The following KCNK2 variants were observed in gnomAD, a reference collection of about 807,000 sequenced individuals.
The protein encoded by KCNK2 is potassium two pore domain channel subfamily K member 2, also known as potassium channel subfamily K member 2.
A neutral mutation model predicts 40.5 loss-of-function variants in KCNK2; 21 were observed. That is an observed-to-expected ratio of 0.52 (90% CI 0.37 to 0.75). The LOEUF is 0.75. Among genes scored for constraint, KCNK2 ranks in the 30% least tolerant of loss-of-function variants. KCNK2 has a pLI of 0.00. For missense variants in KCNK2, 399 were observed against 531.6 expected (o/e 0.75, Z 2.45); for synonymous variants, 191 against 202.2 (o/e 0.94, Z 0.47).
chr1:215,222,156 C>G (rs1666205146), intron 6 of KCNK2, among the ~76,000 whole-genome samples: 1 of 152,160 alleles, frequency 6.6e-6, no homozygotes, highest in Non-Finnish European at 1.5e-5. Flanking sequence ...CCCCATGACC[C>G]AAACATCTCC....
chr1:215,149,191 A>C (rs1035790462), intron 3 of KCNK2, among the ~76,000 whole-genome samples: 2 of 152,124 alleles, frequency 1.3e-5, no homozygotes, highest in East Asian at 3.9e-4. Flanking sequence ...AACTGCTAGG[A>C]AGCAGGGAAG....
At chr1:215,219,508 C>T (rs1301348740) in intron 6 of KCNK2, among the ~76,000 whole-genome samples, 2 of 152,182 alleles carry the variant, frequency 1.3e-5, no homozygotes, top group Admixed American at 6.5e-5. Context: ...TGATACCCAA[C>T]ATAAGGCTAA....
At chr1:215,116,951 C>A (rs1342150632) in intron 2 of KCNK2, among the ~76,000 whole-genome samples, 1 of 151,688 alleles carries the variant, frequency 6.6e-6, no homozygotes, top group Non-Finnish European at 1.5e-5. Flanking sequence ...AAGTACTACT[C>A]CATTTCTTTT....
In KCNK2 at chr1:215,122,740, CTTTTTTT is replaced by C. The variant is rs564207038; in HGVS notation, c.358-1876_358-1870del. On this transcript the variant is annotated intron_variant, in intron 2 of 6. Transcript: ENST00000444842. ...ATCAAATGCTTAAAACATTCATAATCTTTTTTTTTTTTTTTTTTTTTTTGAAATGGAG... is the reference window on the plus strand; with the variant it reads ...ATCAAATGCTTAAAACATTCATAATCTTTTTTTTTTTTTTTTGAAATGGAG... Among the ~76,000 whole-genome samples, 98 of 120,362 alleles carry C rather than the reference CTTTTTTT, an allele frequency of 8.1e-4. 1 individual carries two copies. The highest frequency in any genetic ancestry group is 2.6e-3 in the African/African-American group (81 of 31,212). 79.0% of individuals were successfully genotyped at this position (120,362 alleles called of 152,430 possible). A position where few individuals can be genotyped will look rare whatever the true frequency, so the allele number is the denominator to read the frequency against.
intron 1 of KCNK2, among the ~76,000 whole-genome samples, chr1:215,007,033 A>ATGTGTGTGTGTG: frequency 1.7e-5 from 1 of 60,344 alleles, no homozygotes; most frequent in East Asian, 4.9e-4. Flanking sequence ...ATATATATAT[A>ATGTGTGTGTGTG]TATATGTGTG....
chr1:215,103,281 T>C (rs777204851), intron 2 of KCNK2, among the ~76,000 whole-genome samples: 18 of 151,958 alleles, frequency 1.2e-4, no homozygotes, highest in Non-Finnish European at 2.4e-4. Flanking sequence ...TGAGCATAGA[T>C]GATACTAGAT....
In KCNK2 at chr1:215,201,992, T is replaced by C. The variant is rs190260902; in HGVS notation, c.963+6900T>C. Among the ~76,000 whole-genome samples, 266 of 152,298 alleles carry C rather than the reference T, an allele frequency of 1.7e-3. 2 individuals carry two copies. Among genetic ancestry groups the C allele is most frequent in the Non-Finnish European group, 3.2e-3 (216 of 68,018 alleles). On this transcript the variant is annotated intron_variant, in intron 6 of 6. Coordinates refer to ENST00000444842, the MANE Select transcript of KCNK2 (RefSeq NM_001017425.3). ...TGTAGGGCAGGGGGGCAATACTGTT[T>C]GGTACAATTTTTCTGGCAGTGTTTC... is the stretch of plus-strand genomic sequence containing the variant.
In KCNK2 at chr1:215,016,580, C is replaced by G. The variant is rs145553057; in HGVS notation, c.34+10625C>G. ...CAGAAGGATAAAATTAGACTCTCATCTCACATAATATATAAAAATTAACTC... is the reference window on the plus strand; with the variant it reads ...CAGAAGGATAAAATTAGACTCTCATGTCACATAATATATAAAAATTAACTC... On this transcript the variant is annotated intron_variant, in intron 1 of 6. Coordinates refer to the KCNK2 transcript ENST00000391895. Among the ~76,000 whole-genome samples the G allele has an allele frequency of 2.2e-4, 34 of 152,212 alleles. No homozygotes were observed. The East Asian group carries it at 4.2e-3, about 19-fold the overall frequency.
intron 3 of KCNK2, among the ~76,000 whole-genome samples, chr1:215,127,185 A>G (rs1661475248): frequency 6.6e-6 from 1 of 152,138 alleles, no homozygotes; most frequent in South Asian, 2.1e-4. Flanking sequence ...TGGCTTTTAT[A>G]GGGTTCCTGG....
Position 215,235,280 on chromosome 1 carries a change from A to G in KCNK2, c.*135A>G. 1.5e-6 allele frequency: 1 copy of G among 660,946 alleles called. No homozygotes were observed. The highest frequency in any genetic ancestry group is 1.8e-5 in the African/African-American group (1 of 55,520). The allele number at this position is 660,946 out of a possible 1,614,324, so 40.9% of individuals were successfully genotyped here. A position where few individuals can be genotyped will look rare whatever the true frequency, so the allele number is the denominator to read the frequency against. On this transcript the variant is annotated 3_prime_UTR_variant, in exon 7 of 7. Transcript: ENST00000444842. ...CAAAATAGATACACCCATCATGGTC[A>G]TCTATCATCAAGAGAATTTGGAATT...
chr1:215,054,427 G>A (rs896643062), intron 1 of KCNK2, among the ~76,000 whole-genome samples: 4 of 152,174 alleles, frequency 2.6e-5, no homozygotes, highest in Non-Finnish European at 5.9e-5. Flanking sequence ...CCAGGAACAC[G>A]TAATTCATCA....
At chr1:215,086,748 T>G in intron 2 of KCNK2, 70 bp downstream of exon 2, 1 of 1,376,596 alleles carries the variant, frequency 7.3e-7, no homozygotes, top group Non-Finnish European at 1.0e-6. Context: ...GGAGACAACT[T>G]GTAGCCCAGT....
At chr1:215,050,454 T>C (rs545435470) in intron 1 of KCNK2, among the ~76,000 whole-genome samples, 1 of 152,258 alleles carries the variant, frequency 6.6e-6, no homozygotes, top group Non-Finnish European at 1.5e-5. Context: ...CTATAGGTGA[T>C]GGGGACAGTA....
At chr1:215,205,271 T>C (rs1378966820) in intron 6 of KCNK2, among the ~76,000 whole-genome samples, 2 of 152,144 alleles carry the variant, frequency 1.3e-5, no homozygotes, top group African/African-American at 4.8e-5. Flanking sequence ...AGAGTCTCAC[T>C]CTGTTGCCCA....
chr1:215,153,209 G>A (rs1380550039), intron 3 of KCNK2, among the ~76,000 whole-genome samples: 1 of 152,116 alleles, frequency 6.6e-6, no homozygotes, highest in African/African-American at 2.4e-5. Context: ...TATTTGATAG[G>A]CTTTCATTAA....
chr1:215,024,861 T>C (rs1656938967), intron 1 of KCNK2, among the ~76,000 whole-genome samples: 1 of 152,044 alleles, frequency 6.6e-6, no homozygotes, highest in Admixed American at 6.6e-5. Context: ...ACAAATTTAA[T>C]AGCCTGTGGA....
intron 3 of KCNK2, among the ~76,000 whole-genome samples, chr1:215,141,573 A>G (rs1411238001): frequency 6.6e-6 from 1 of 152,066 alleles, no homozygotes; most frequent in East Asian, 1.9e-4. Context: ...ACTTTTCTTA[A>G]ATGAAGGTAC....
rs35194601 is a variant in KCNK2, at chr1:215,233,451, T to TACACACAC, written c.964-1360_964-1353dup. Among the ~76,000 whole-genome samples the TACACACAC allele has an allele frequency of 5.8e-3, 860 of 149,124 alleles. 8 individuals carry two copies. The highest frequency in any genetic ancestry group is 0.012 in the African/African-American group (490 of 40,622). ...TTGAAGTTTCATTTCTGTTTTTGAG[T>TACACACAC]ACACACACACACACACACACACACG... is the stretch of plus-strand genomic sequence containing the variant. On this transcript the variant is annotated intron_variant, in intron 6 of 6. Transcript: ENST00000444842.
intron 5 of KCNK2, among the ~76,000 whole-genome samples, chr1:215,184,527 A>G (rs1664350069): frequency 6.6e-6 from 1 of 152,210 alleles, no homozygotes; most frequent in Non-Finnish European, 1.5e-5. Flanking sequence ...AAGAGGTTTA[A>G]TAGACTCATA....
Sources: allele counts gnomAD v4.1 joint callset (sites outside exome capture counted in the v4.1 genomes callset), GRCh38; gene constraint gnomAD v4.1.1; transcripts MANE v1.5; gene names NCBI Gene and HGNC (gene_info 2026-07-23, HGNC 2026-07-21).